HNRNPA1L2: variants seen among roughly 807,000 people sequenced by gnomAD.
The protein encoded by HNRNPA1L2 is heterogeneous nuclear ribonucleoprotein A1 like 2, also known as heterogeneous nuclear ribonucleoprotein A1-like 2.
HNRNPA1L2 carries 10 observed loss-of-function variants against 18.2 expected under a neutral mutation model. That is an observed-to-expected ratio of 0.55 (90% CI 0.34 to 0.93). HNRNPA1L2 has a LOEUF of 0.93. Ranked by LOEUF, HNRNPA1L2 falls within the 40% of genes least tolerant of loss-of-function variation. HNRNPA1L2 has a pLI of 0.02. For missense variants in HNRNPA1L2, 308 were observed against 394.4 expected (o/e 0.78, Z 1.85); for synonymous variants, 124 against 138.6 (o/e 0.89, Z 0.74).
chr13:52,636,775 C>T, the HNRNPA1L2 span, among the ~76,000 whole-genome samples: 6 of 152,062 alleles, frequency 3.9e-5, no homozygotes, highest in Admixed American at 6.6e-5. Context: ...GTAGTGATTA[C>T]CTGGCATTGT....
the HNRNPA1L2 span, among the ~76,000 whole-genome samples, chr13:52,626,510 AATTT>A: frequency 6.6e-6 from 1 of 151,844 alleles, no homozygotes; most frequent in East Asian, 1.9e-4. Context: ...AACTTGCTCT[AATTT>A]ATTTAGGAAG....
chr13:52,627,387 TAAGC>T, the HNRNPA1L2 span: 1 of 162,452 alleles, frequency 6.2e-6, no homozygotes, highest in Non-Finnish European at 1.3e-5. Flanking sequence ...ACTGGCATAA[TAAGC>T]AATCTCTCTT....
At chr13:52,635,902 C>T in the HNRNPA1L2 span, among the ~76,000 whole-genome samples, 1 of 149,516 alleles carries the variant, frequency 6.7e-6, no homozygotes, top group East Asian at 2.0e-4. Context: ...GCGACCTCGG[C>T]TCACTGCAAC....
At chr13:52,636,070 C>T in the HNRNPA1L2 span, among the ~76,000 whole-genome samples, 4 of 151,998 alleles carry the variant, frequency 2.6e-5, no homozygotes, top group African/African-American at 7.3e-5. Flanking sequence ...CTCCTGACCT[C>T]GTGATCTGCC....
At position 52,643,678 on chromosome 13, in the gene HNRNPA1L2, G is replaced by T; in HGVS notation, c.*223G>T. 2 of 591,318 alleles carry T rather than the reference G, an allele frequency of 3.4e-6. No homozygotes were observed. The highest frequency in any genetic ancestry group is 3.0e-6 in the Non-Finnish European group (1 of 334,060). The allele number at this position is 591,318 out of a possible 1,614,324, so 36.6% of individuals were successfully genotyped here. Reference sequence around the variant, plus strand: ...TATTTTAGTTTCTGTTCTGTGGAAAGTGTAAAGCATTCCAACAAAGTGTTT... The same window carrying T: ...TATTTTAGTTTCTGTTCTGTGGAAATTGTAAAGCATTCCAACAAAGTGTTT... On this transcript the variant is annotated 3_prime_UTR_variant, in exon 1 of 1. Coordinates refer to ENST00000357495, the MANE Select transcript of HNRNPA1L2 (RefSeq NM_001389320.1).
the HNRNPA1L2 span, chr13:52,622,229 G>A: frequency 6.5e-6 from 1 of 154,988 alleles, no homozygotes; most frequent in Non-Finnish European, 1.5e-5. Context: ...CAACTGGCGG[G>A]CCTCAAAGAG....
At chr13:52,633,057 CA>C in the HNRNPA1L2 span, among the ~76,000 whole-genome samples, 1 of 152,168 alleles carries the variant, frequency 6.6e-6, no homozygotes, top group African/African-American at 2.4e-5. Flanking sequence ...TGAAATGTTG[CA>C]TTCTGTGAGA....
the HNRNPA1L2 span, among the ~76,000 whole-genome samples, chr13:52,620,409 C>A: frequency 6.6e-6 from 1 of 152,130 alleles, no homozygotes; most frequent in Admixed American, 6.5e-5. Flanking sequence ...TTCTGTAAAA[C>A]GAGAATAATA....
the HNRNPA1L2 span, among the ~76,000 whole-genome samples, chr13:52,630,113 G>T: frequency 6.6e-6 from 1 of 152,110 alleles, no homozygotes. Flanking sequence ...AGTTCTTAAA[G>T]ATGGTGAGCC....
chr13:52,625,366 C>T, the HNRNPA1L2 span, among the ~76,000 whole-genome samples: 5 of 152,128 alleles, frequency 3.3e-5, no homozygotes, highest in South Asian at 4.2e-4. Context: ...CCACCTGCCT[C>T]GGCCTCCTAA....
At chr13:52,635,232 G>C in the HNRNPA1L2 span, among the ~76,000 whole-genome samples, 1 of 152,062 alleles carries the variant, frequency 6.6e-6, no homozygotes, top group Non-Finnish European at 1.5e-5. Flanking sequence ...ATAAAATAAG[G>C]CTTACCCAGG....
At chr13:52,624,177 C>T in the HNRNPA1L2 span, among the ~76,000 whole-genome samples, 12 of 152,138 alleles carry the variant, frequency 7.9e-5, no homozygotes, top group East Asian at 3.8e-4. Flanking sequence ...TGCAGTGGCG[C>T]GGTCTTGGCT....
At chr13:52,634,301 T>C in the HNRNPA1L2 span, among the ~76,000 whole-genome samples, 1 of 152,236 alleles carries the variant, frequency 6.6e-6, no homozygotes, top group African/African-American at 2.4e-5. Flanking sequence ...AAGAGACACT[T>C]GGATTCTGGA....
chr13:52,638,568 A>G (rs185230818), upstream of HNRNPA1L2, among the ~76,000 whole-genome samples: 34 of 152,304 alleles, frequency 2.2e-4, no homozygotes, highest in Admixed American at 1.8e-3. Flanking sequence ...AATTTCTCTA[A>G]AACTTGCTGA....
At chr13:52,629,031 G>C in the HNRNPA1L2 span, among the ~76,000 whole-genome samples, 10 of 152,000 alleles carry the variant, frequency 6.6e-5, no homozygotes, top group Non-Finnish European at 2.9e-5. Flanking sequence ...GCCTGCCACT[G>C]TGCCCAGCTA....
the HNRNPA1L2 span, among the ~76,000 whole-genome samples, chr13:52,620,771 G>A: frequency 6.6e-6 from 1 of 152,112 alleles, no homozygotes; most frequent in Non-Finnish European, 1.5e-5. Context: ...CAACTACTCA[G>A]GAGGCTGAGG....
upstream of HNRNPA1L2, chr13:52,641,306 C>T (rs929982479): frequency 6.6e-6 from 1 of 152,200 alleles, no homozygotes; most frequent in Non-Finnish European, 1.5e-5. Context: ...TGACTTATTA[C>T]CCTGAATTTG....
the HNRNPA1L2 span, among the ~76,000 whole-genome samples, chr13:52,619,780 G>C: frequency 6.6e-6 from 1 of 151,986 alleles, no homozygotes; most frequent in Non-Finnish European, 1.5e-5. Flanking sequence ...AATTAGCCGG[G>C]CGTGGTGGCG....
the HNRNPA1L2 span, among the ~76,000 whole-genome samples, chr13:52,630,663 T>C: frequency 6.6e-6 from 1 of 152,248 alleles, no homozygotes; most frequent in Non-Finnish European, 1.5e-5. Context: ...ATCAGGCACT[T>C]GAGTTAACTC....
Sources: gnomAD v4.1 joint callset for allele counts (sites outside exome capture counted in the v4.1 genomes callset) on GRCh38, gnomAD v4.1.1 for gene constraint, MANE v1.5 for transcripts, NCBI Gene and HGNC (gene_info 2026-07-23, HGNC 2026-07-21) for gene names.